GRID1: variants seen among roughly 807,000 people sequenced by gnomAD.
The protein encoded by GRID1 is glutamate receptor ionotropic, delta-1.
Under a neutral mutation model 98.0 loss-of-function variants are expected in GRID1, and 28 were observed. That is an observed-to-expected ratio of 0.29 (90% CI 0.21 to 0.39). The LOEUF (loss-of-function observed/expected upper bound fraction) is 0.39. Ranked by LOEUF, GRID1 falls within the 10% of genes least tolerant of loss-of-function variation. The probability of loss-of-function intolerance (pLI) is 1.00; values close to 1 mark genes in which losing one functional copy is unlikely to be tolerated. For synonymous variants in GRID1, 553 were observed against 538.5 expected, an observed-to-expected ratio of 1.03 and a Z score of -0.37; for missense variants, 1,111 against 1,340.5, an observed-to-expected ratio of 0.83 and a Z score of 2.67.
chr10:85,634,486 A>G (rs1324422340), intron 13 of GRID1, among the ~76,000 whole-genome samples: 1 of 152,168 alleles, frequency 6.6e-6, no homozygotes, highest in Non-Finnish European at 1.5e-5. Flanking sequence ...GACAATGATA[A>G]TAACAGTAGT....
At chr10:85,947,690 C>T (rs1349329652) in intron 4 of GRID1, among the ~76,000 whole-genome samples, 1 of 152,178 alleles carries the variant, frequency 6.6e-6, no homozygotes, top group Admixed American at 6.5e-5. Context: ...TAAAGAAGAC[C>T]ACCAAATCTG....
At chr10:85,852,022 A>T (rs1400217271) in intron 8 of GRID1, among the ~76,000 whole-genome samples, 1 of 151,802 alleles carries the variant, frequency 6.6e-6, no homozygotes, top group Non-Finnish European at 1.5e-5. Context: ...TACCCCCATG[A>T]TACGGTCCTA....
intron 2 of GRID1, among the ~76,000 whole-genome samples, chr10:86,339,200 C>T (rs761328264): frequency 2.0e-4 from 31 of 152,246 alleles, no homozygotes; most frequent in Non-Finnish European, 4.0e-4. Context: ...CCTGCCACAC[C>T]TGGACATCTC....
intron 12 of GRID1, among the ~76,000 whole-genome samples, chr10:85,660,578 C>T (rs1489610998): frequency 6.6e-6 from 1 of 151,766 alleles, no homozygotes; most frequent in East Asian, 1.9e-4. Context: ...ATTAGAGACT[C>T]ATACCAATTT....
chr10:85,858,595 T>C (rs1383472857), intron 6 of GRID1, among the ~76,000 whole-genome samples: 1 of 152,194 alleles, frequency 6.6e-6, no homozygotes, highest in African/African-American at 2.4e-5. Flanking sequence ...GGAGATGTTG[T>C]TATAAGGAAT....
intron 4 of GRID1, among the ~76,000 whole-genome samples, chr10:86,091,625 A>T (rs11511553): frequency 0.036 from 5,502 of 151,946 alleles, 142 homozygotes; most frequent in Non-Finnish European, 0.055. Context: ...CCCTCTCCAC[A>T]GTGCTACAGC....
At chr10:86,240,201 T>A (rs1035359943) in intron 2 of GRID1, among the ~76,000 whole-genome samples, 1 of 152,214 alleles carries the variant, frequency 6.6e-6, no homozygotes, top group African/African-American at 2.4e-5. Flanking sequence ...CATTTCCAGA[T>A]AAGGAAACTG....
chr10:85,651,397 G>C (rs1011167304), intron 12 of GRID1, among the ~76,000 whole-genome samples: 2 of 152,182 alleles, frequency 1.3e-5, no homozygotes, highest in Non-Finnish European at 2.9e-5. Flanking sequence ...CATGTGATTG[G>C]AGCCTATCTC....
chr10:85,626,038 G>A (rs988913314), intron 13 of GRID1, among the ~76,000 whole-genome samples: 4 of 152,188 alleles, frequency 2.6e-5, no homozygotes, highest in African/African-American at 9.6e-5. Flanking sequence ...GAGAATGCTG[G>A]TGCTGCAAAC....
At chr10:86,212,933 G>A (rs1477472494) in intron 2 of GRID1, among the ~76,000 whole-genome samples, 1 of 152,102 alleles carries the variant, frequency 6.6e-6, no homozygotes, top group Non-Finnish European at 1.5e-5. Context: ...TGCTGTAAGA[G>A]GCCAATGCTA....
chr10:86,211,366 G>T (rs1414415020), intron 2 of GRID1, among the ~76,000 whole-genome samples: 1 of 152,202 alleles, frequency 6.6e-6, no homozygotes, highest in East Asian at 1.9e-4. Context: ...CCATCCATCA[G>T]CTGGGAAAGT....
At chr10:86,235,932 T>C (rs1308844411) in intron 2 of GRID1, among the ~76,000 whole-genome samples, 5 of 152,244 alleles carry the variant, frequency 3.3e-5, no homozygotes, top group South Asian at 2.1e-4. Flanking sequence ...CTAAATGATA[T>C]GGTGAAGTAT....
At chr10:85,826,444 A>G (rs1252111933) in intron 8 of GRID1, among the ~76,000 whole-genome samples, 1 of 152,176 alleles carries the variant, frequency 6.6e-6, no homozygotes, top group African/African-American at 2.4e-5. Flanking sequence ...ATAACTTCAG[A>G]CTAAAAAGAA....
chr10:85,658,576 G>A (rs531819619), intron 12 of GRID1, among the ~76,000 whole-genome samples: 13 of 152,292 alleles, frequency 8.5e-5, no homozygotes, highest in Admixed American at 7.2e-4. Flanking sequence ...ATAGCTAAGT[G>A]AGGAGGGCGA....
chr10:86,331,656 T>C (rs909081524), intron 2 of GRID1, among the ~76,000 whole-genome samples: 17 of 152,152 alleles, frequency 1.1e-4, no homozygotes, highest in Admixed American at 3.9e-4. Flanking sequence ...AGTTCAGACT[T>C]TGGGGTCACC....
Position 86,059,770 on chromosome 10 carries a change from T to C in GRID1, c.726+79049A>G, listed in dbSNP as rs373303935. ...TAATAATTATTCCTGGGTTTGACCT[T>C]AGAATTACAAGCTGGGGATGTTGTT... is the stretch of plus-strand genomic sequence containing the variant. On this transcript the variant is annotated intron_variant, in intron 4 of 15. Coordinates refer to ENST00000327946, the MANE Select transcript of GRID1 (RefSeq NM_017551.3). 3.3e-4 allele frequency among the ~76,000 whole-genome samples: 50 copies of C among 152,306 alleles called. 1 individual carries two copies. In the East Asian group the frequency reaches 4.8e-3, roughly 15 times the overall value.
At chr10:86,010,911 A>C (rs183581612) in intron 4 of GRID1, among the ~76,000 whole-genome samples, 382 of 152,232 alleles carry the variant, frequency 2.5e-3, no homozygotes, top group African/African-American at 8.6e-3. Context: ...GCGCAAAATT[A>C]GGCGGCAGAT....
intron 4 of GRID1, among the ~76,000 whole-genome samples, chr10:86,069,453 C>A (rs1843767900): frequency 1.3e-5 from 2 of 152,126 alleles, no homozygotes; most frequent in African/African-American, 4.8e-5. Context: ...TCGAGACCAC[C>A]CTGGCTAACA....
At position 85,727,974 on chromosome 10, in the gene GRID1, C is replaced by T. The variant is rs74606295; in HGVS notation, c.1414G>A (p.Asp472Asn). 202 of 1,613,758 alleles carry T rather than the reference C, an allele frequency of 1.3e-4. No individual in the cohort carries two copies. The highest frequency in any genetic ancestry group is 1.6e-4 in the Non-Finnish European group (192 of 1,179,714). ...AAGCCCAGAGCCTTGGCCAGTGCAT[C>T]CAGGACATCTATGGAGAACCCTTTG... ...RYKGFSIDVL[D>N]ALAKALGFKY... is the part of the protein sequence containing the mutation. The change falls in exon 10 of 16, where the codon GAT becomes AAT. Residue 472 changes from aspartate (D) to asparagine (N), a missense_variant. Physicochemically the swap from Asp to Asn is conservative, Grantham distance 23. Transcript: ENST00000327946.
Sources: gnomAD v4.1 joint callset for allele counts (sites outside exome capture counted in the v4.1 genomes callset) on GRCh38, gnomAD v4.1.1 for gene constraint, MANE v1.5 for transcripts, NCBI Gene and HGNC (gene_info 2026-07-23, HGNC 2026-07-21) for gene names.